The following LAMA2 variants were observed in gnomAD, a reference collection of about 807,000 sequenced individuals.
LAMA2 encodes laminin subunit alpha-2.
Under a neutral mutation model 364.8 loss-of-function variants are expected in LAMA2, and 269 were observed. That is an observed-to-expected ratio of 0.74 (90% CI 0.67 to 0.82). The LOEUF is 0.82. Ranked by LOEUF, LAMA2 falls within the 40% of genes least tolerant of loss-of-function variation. The pLI is 0.00. For synonymous variants in LAMA2, 1,379 were observed against 1,370.6 expected (o/e 1.01, Z -0.14); for missense variants, 3,807 against 3,873.2 (o/e 0.98, Z 0.45).
intron 12 of LAMA2, among the ~76,000 whole-genome samples, chr6:129,249,452 A>G (rs901937751): frequency 1.3e-5 from 2 of 152,170 alleles, no homozygotes; most frequent in Non-Finnish European, 2.9e-5. Context: ...TGTACATTGC[A>G]TGGGGCTTGG....
intron 32 of LAMA2, among the ~76,000 whole-genome samples, chr6:129,358,070 T>C (rs1361555281): frequency 6.6e-6 from 1 of 152,054 alleles, no homozygotes; most frequent in Non-Finnish European, 1.5e-5. Context: ...TTTTCTGTAG[T>C]CTAAGCTGTG....
intron 1 of LAMA2, among the ~76,000 whole-genome samples, chr6:129,025,088 C>T (rs1367176677): frequency 6.6e-6 from 1 of 152,122 alleles, no homozygotes; most frequent in Non-Finnish European, 1.5e-5. Context: ...AACAGTTTCC[C>T]ATTACACATT....
chr6:129,012,492 T>G (rs1784825354), intron 1 of LAMA2, among the ~76,000 whole-genome samples: 1 of 152,200 alleles, frequency 6.6e-6, no homozygotes, highest in Admixed American at 6.5e-5. Context: ...TATACATTTA[T>G]TTTGGATATT....
intron 1 of LAMA2, among the ~76,000 whole-genome samples, chr6:128,993,452 G>A (rs1783731501): frequency 6.6e-6 from 1 of 152,106 alleles, no homozygotes; most frequent in Non-Finnish European, 1.5e-5. Flanking sequence ...ATTATATTGA[G>A]AGTGTATTAC....
chr6:128,973,986 T>C, intron 1 of LAMA2, among the ~76,000 whole-genome samples: 1 of 152,260 alleles, frequency 6.6e-6, no homozygotes, highest in South Asian at 2.1e-4. Context: ...CAAATAAGTA[T>C]TTTTCCCTCC....
At chr6:129,048,752 T>C (rs913594850) in intron 1 of LAMA2, among the ~76,000 whole-genome samples, 6 of 151,520 alleles carry the variant, frequency 4.0e-5, no homozygotes, top group Non-Finnish European at 8.8e-5. Context: ...GTAGCTGGGA[T>C]TACAGATGCC....
Position 129,314,687 on chromosome 6 carries a change from C to T in LAMA2, c.3444C>T (p.Cys1148=). 1 of 1,613,666 alleles carries T rather than the reference C, an allele frequency of 6.2e-7. No homozygotes were observed. Among genetic ancestry groups the T allele is most frequent in the Non-Finnish European group, 8.5e-7 (1 of 1,179,974 alleles). The change falls in exon 24 of 65, where the codon TGC becomes TGT. Residue 1148 remains cysteine (C), a synonymous_variant. Transcript: ENST00000421865. ...TGGAAGGCATCCACTGTGACAGATGCCGGCCTGGCAAATTCGGACTCGATG... is the reference window on the plus strand; with the variant it reads ...TGGAAGGCATCCACTGTGACAGATGTCGGCCTGGCAAATTCGGACTCGATG... ...VNVEGIHCDR[C]RPGKFGLDAK...
intron 12 of LAMA2, among the ~76,000 whole-genome samples, chr6:129,224,106 A>C (rs1337579964): frequency 2.0e-5 from 3 of 152,180 alleles, no homozygotes; most frequent in African/African-American, 7.2e-5. Flanking sequence ...TCTTTGAAGC[A>C]ATTGTGAATA....
chr6:129,117,352 G>T (rs1401151502), intron 4 of LAMA2, among the ~76,000 whole-genome samples: 6 of 152,194 alleles, frequency 3.9e-5, no homozygotes, highest in African/African-American at 1.4e-4. Context: ...GATGATTCAT[G>T]TGTCTCTGAG....
At chr6:128,963,148 G>T (rs962978204) in intron 1 of LAMA2, among the ~76,000 whole-genome samples, 32 of 152,018 alleles carry the variant, frequency 2.1e-4, no homozygotes, top group African/African-American at 7.2e-4. Flanking sequence ...TGTGATCAAA[G>T]GTAACTGATC....
chr6:128,942,939 G>A (rs1271026837), intron 1 of LAMA2, among the ~76,000 whole-genome samples: 1 of 152,184 alleles, frequency 6.6e-6, no homozygotes, highest in Non-Finnish European at 1.5e-5. Flanking sequence ...CAGTGAGGAA[G>A]AGCACCATCT....
In LAMA2 at chr6:128,993,770, G is replaced by A. The variant is rs370221817; in HGVS notation, c.113-56148G>A. Among the ~76,000 whole-genome samples, 3 of 152,276 alleles carry A rather than the reference G, an allele frequency of 2.0e-5. No homozygotes were observed. In the East Asian group the frequency reaches 5.8e-4, roughly 29 times the overall value. ...GATCTATGAAAGAAGGGAACAGTCT[G>A]TTAGTTCCACCTGGTTCTTCTCATT... On this transcript the variant is annotated intron_variant, in intron 1 of 64. Coordinates refer to ENST00000421865, the MANE Select transcript of LAMA2 (RefSeq NM_000426.4).
chr6:129,007,396 T>A lies in LAMA2; in HGVS notation c.113-42522T>A, dbSNP rs1237917885. Among the ~76,000 whole-genome samples the A allele has an allele frequency of 2.0e-5, 3 of 152,184 alleles. No individual in the cohort carries two copies. In the East Asian group the frequency reaches 5.8e-4, roughly 29 times the overall value. ...CATAGTGTGTGCCAGATAGATTGTATGCCTGCTACATAGTAGGCTCTTAAT... is the reference window on the plus strand; with the variant it reads ...CATAGTGTGTGCCAGATAGATTGTAAGCCTGCTACATAGTAGGCTCTTAAT... On this transcript the variant is annotated intron_variant, in intron 1 of 64. Coordinates refer to ENST00000421865, the MANE Select transcript of LAMA2 (RefSeq NM_000426.4).
chr6:129,486,616 C>A lies in LAMA2; in HGVS notation c.7892C>A (p.Thr2631Asn). ...GREHSVHVER[T>N]RGIFTVQVDE... The stretch of plus-strand genomic sequence containing the variant: ...GAACATTCCGTTCATGTAGAGCGAA[C>A]TAGAGGGTAACAATAGCACTAAAAT... The change falls in exon 56 of 65, where the codon ACT (threonine) becomes AAT (asparagine). Residue 2631 changes from threonine to asparagine, a missense_variant. By Grantham distance (65) the Thr-to-Asn change is moderately conservative. Coordinates refer to ENST00000421865, the MANE Select transcript of LAMA2 (RefSeq NM_000426.4). 3 of 1,613,582 alleles carry A rather than the reference C, an allele frequency of 1.9e-6. No homozygotes were observed. The highest frequency in any genetic ancestry group is 2.5e-6 in the Non-Finnish European group (3 of 1,179,552).
chr6:129,441,492 T>C (rs1562566900), intron 43 of LAMA2, among the ~76,000 whole-genome samples: 1 of 152,112 alleles, frequency 6.6e-6, no homozygotes, highest in Non-Finnish European at 1.5e-5. Flanking sequence ...ATCACATTTC[T>C]GGGAAATAAA....
chr6:129,353,086 A>C, intron 31 of LAMA2, 78 bp from the exon 32 acceptor site: 2 of 1,177,720 alleles, frequency 1.7e-6, no homozygotes, highest in South Asian at 2.9e-5. Flanking sequence ...TGTTGCATCA[A>C]AACAAAAGAC....
chr6:129,324,162 A>G (rs1358025922), intron 28 of LAMA2, among the ~76,000 whole-genome samples: 11 of 152,252 alleles, frequency 7.2e-5, no homozygotes, highest in Non-Finnish European at 1.3e-4. Flanking sequence ...GTTTACAAAT[A>G]TAACCTAAAA....
chr6:128,903,435 A>G (rs1012883943), intron 1 of LAMA2, among the ~76,000 whole-genome samples: 3 of 152,198 alleles, frequency 2.0e-5, no homozygotes, highest in African/African-American at 7.2e-5. Context: ...ACATGGTTGT[A>G]TGGAAGAGTT....
chr6:128,964,076 A>C (rs965669851), intron 1 of LAMA2, among the ~76,000 whole-genome samples: 1 of 152,048 alleles, frequency 6.6e-6, no homozygotes, highest in African/African-American at 2.4e-5. Context: ...TTTTCTTTGA[A>C]GGTAAGTTGT....
Sources: gnomAD v4.1 joint callset for allele counts (sites outside exome capture counted in the v4.1 genomes callset) on GRCh38, gnomAD v4.1.1 for gene constraint, MANE v1.5 for transcripts, NCBI Gene and HGNC (gene_info 2026-07-23, HGNC 2026-07-21) for gene names.